Variants in ELMO1 observed in about 807,000 individuals in gnomAD.
ELMO1 encodes engulfment and cell motility protein 1.
Under a neutral mutation model 98.9 loss-of-function variants are expected in ELMO1, and 26 were observed. That is an observed-to-expected ratio of 0.26 (90% CI 0.19 to 0.36). The LOEUF (loss-of-function observed/expected upper bound fraction) is 0.36. ELMO1 is among the 10% of genes least tolerant of loss of function. ELMO1 has a pLI of 1.00. For missense variants in ELMO1, 627 were observed against 935.2 expected (o/e 0.67, Z 4.30); for synonymous variants, 346 against 346.0 (o/e 1.00, Z 0.00).
intron 15 of ELMO1, among the ~76,000 whole-genome samples, chr7:37,057,427 A>G (rs1796444384): frequency 6.6e-6 from 1 of 152,220 alleles, no homozygotes. Context: ...CTCTCACTCC[A>G]GGTAGAAAAT....
intron 13 of ELMO1, among the ~76,000 whole-genome samples, chr7:37,153,139 T>C (rs1358623736): frequency 2.0e-5 from 3 of 152,024 alleles, no homozygotes; most frequent in Non-Finnish European, 4.4e-5. Context: ...CACAGAAAAA[T>C]GACTTTAAGA....
intron 1 of ELMO1, among the ~76,000 whole-genome samples, chr7:37,352,516 T>C (rs2131301251): frequency 6.6e-6 from 1 of 152,332 alleles, no homozygotes; most frequent in East Asian, 1.9e-4. Flanking sequence ...AATGTATCTG[T>C]CCAGAAAACT....
intron 12 of ELMO1, among the ~76,000 whole-genome samples, chr7:37,213,083 C>T (rs1584817222): frequency 6.6e-6 from 1 of 152,276 alleles, no homozygotes; most frequent in Admixed American, 6.5e-5. Flanking sequence ...GGTCATGTGA[C>T]ATCAAACTTT....
chr7:36,872,073 C>T (rs1329237610), intron 19 of ELMO1, among the ~76,000 whole-genome samples: 1 of 152,210 alleles, frequency 6.6e-6, no homozygotes, highest in Admixed American at 6.5e-5. Context: ...CCACAGAAAA[C>T]TACACTTCCC....
chr7:37,013,390 T>C lies in ELMO1; in HGVS notation c.1346A>G (p.Asp449Gly), dbSNP rs1793695241. ...GCAGAAAAACTCCTCAAAGGATCTG[T>C]CGTGGGTGAAGAACATCGGGTGGAA... ...NDFHPMFFTH[D>G]RSFEEFFCIC... The change falls in exon 16 of 22, where the codon GAC becomes GGC. Residue 449 changes from aspartate to glycine, a missense_variant. By Grantham distance (94) the Asp-to-Gly change is moderately conservative (BLOSUM62 -1). Transcript: ENST00000310758. 6.2e-7 allele frequency: 1 copy of C among 1,614,046 alleles called. No individual in the cohort carries two copies. Among genetic ancestry groups the C allele is most frequent in the African/African-American group, 1.3e-5 (1 of 75,016 alleles).
chr7:37,027,013 G>A (rs1348302039), intron 15 of ELMO1, among the ~76,000 whole-genome samples: 1 of 152,010 alleles, frequency 6.6e-6, no homozygotes, highest in East Asian at 1.9e-4. Context: ...GGCACAGATC[G>A]TGGAGTATCC....
At chr7:37,022,854 A>G (rs1489346402) in intron 15 of ELMO1, among the ~76,000 whole-genome samples, 3 of 152,200 alleles carry the variant, frequency 2.0e-5, no homozygotes, top group Non-Finnish European at 4.4e-5. Flanking sequence ...AGATTGGATA[A>G]ATAAATTATG....
chr7:37,101,522 G>T (rs1584644679), intron 14 of ELMO1, among the ~76,000 whole-genome samples: 1 of 152,152 alleles, frequency 6.6e-6, no homozygotes, highest in African/African-American at 2.4e-5. Flanking sequence ...TACAGAAGCA[G>T]AACAGGCAAA....
chr7:37,223,786 C>T (rs1318215622), intron 9 of ELMO1, among the ~76,000 whole-genome samples: 5 of 152,166 alleles, frequency 3.3e-5, no homozygotes, highest in African/African-American at 1.2e-4. Context: ...GCTTCTGTGA[C>T]TTAAATTTTA....
chr7:37,283,487 T>A (rs911518175), intron 4 of ELMO1, among the ~76,000 whole-genome samples: 3 of 152,206 alleles, frequency 2.0e-5, no homozygotes, highest in Non-Finnish European at 2.9e-5. Context: ...TACCCCAGGA[T>A]AAGAATTACT....
intron 16 of ELMO1, among the ~76,000 whole-genome samples, chr7:37,007,254 C>T (rs1038417591): frequency 6.6e-6 from 1 of 152,142 alleles, no homozygotes; most frequent in Non-Finnish European, 1.5e-5. Context: ...CATTAGGGCT[C>T]TTTAAAAGAC....
chr7:36,908,063 C>G (rs1420217095), intron 16 of ELMO1, among the ~76,000 whole-genome samples: 2 of 152,168 alleles, frequency 1.3e-5, no homozygotes, highest in East Asian at 3.8e-4. Context: ...AGTTTTATGT[C>G]CTTGTGAAAA....
chr7:37,209,758 G>A (rs564693819), intron 13 of ELMO1, among the ~76,000 whole-genome samples: 31 of 152,148 alleles, frequency 2.0e-4, no homozygotes, highest in South Asian at 2.1e-4. Context: ...GGCTCTGCCA[G>A]CAAGGTCACT....
intron 1 of ELMO1, among the ~76,000 whole-genome samples, chr7:37,403,416 A>T (rs761248836): frequency 1.1e-4 from 16 of 152,152 alleles, no homozygotes; most frequent in Non-Finnish European, 2.2e-4. Context: ...ACTGGTTTCC[A>T]GGGGTTTGGA....
intron 15 of ELMO1, among the ~76,000 whole-genome samples, chr7:37,080,373 G>C (rs892418482): frequency 6.6e-6 from 1 of 151,538 alleles, no homozygotes; most frequent in Non-Finnish European, 1.5e-5. Flanking sequence ...TCTACGTAGA[G>C]TAAAAGCCAA....
intron 17 of ELMO1, 24 bp downstream of exon 17, chr7:36,894,830 A>G: frequency 6.2e-7 from 1 of 1,613,938 alleles, no homozygotes; most frequent in Non-Finnish European, 8.5e-7. Context: ...TTTGGGAGAT[A>G]GAAGTCAATA....
chr7:37,109,905 C>G (rs1785154805), intron 14 of ELMO1, among the ~76,000 whole-genome samples: 1 of 152,230 alleles, frequency 6.6e-6, no homozygotes, highest in South Asian at 2.1e-4. Context: ...AATTCCTCAA[C>G]AATGGACAAA....
At chr7:37,065,154 T>G (rs950466551) in intron 15 of ELMO1, among the ~76,000 whole-genome samples, 1 of 150,338 alleles carries the variant, frequency 6.7e-6, no homozygotes, top group Non-Finnish European at 1.5e-5. Context: ...TATTGCCCTA[T>G]CTCTTCACTC....
chr7:36,922,347 CAAAAAAA>C (rs750588423), intron 16 of ELMO1, among the ~76,000 whole-genome samples: 7 of 85,564 alleles, frequency 8.2e-5, no homozygotes, highest in Non-Finnish European at 1.5e-4. Flanking sequence ...CACAGACTTG[CAAAAAAA>C]AAAAAAAAAA....
Sources: gnomAD v4.1 joint callset for allele counts (sites outside exome capture counted in the v4.1 genomes callset) on GRCh38, gnomAD v4.1.1 for gene constraint, MANE v1.5 for transcripts, NCBI Gene and HGNC (gene_info 2026-07-23, HGNC 2026-07-21) for gene names.